The following BEAN1 variants were observed in gnomAD, a reference collection of about 807,000 sequenced individuals.
BEAN1 encodes brain expressed associated with NEDD4 1.
In BEAN1, 17 loss-of-function variants were observed where a neutral mutation model predicts 17.7. The ratio of observed to expected loss-of-function variants is 0.96; its 90% confidence interval spans 0.66 to 1.44. The LOEUF is 1.44. BEAN1 is among the 40% of genes most tolerant of loss of function. BEAN1 has a pLI of 0.00. For missense variants in BEAN1, 359 were observed against 374.1 expected (o/e 0.96, Z 0.33); for synonymous variants, 142 against 151.8 (o/e 0.94, Z 0.47).
At chr16:66,446,919 G>A (rs923795921) in intron 2 of BEAN1, among the ~76,000 whole-genome samples, 1 of 152,150 alleles carries the variant, frequency 6.6e-6, no homozygotes, top group Non-Finnish European at 1.5e-5. Flanking sequence ...GGAAAGCCTG[G>A]TTGTCCTCTG....
At chr16:66,437,558 TG>T in intron 1 of BEAN1, 36 bp from the exon 2 acceptor site, 1 of 1,246,118 alleles carries the variant, frequency 8.0e-7, no homozygotes, top group Admixed American at 2.2e-5. Context: ...GGGTGCGCCA[TG>T]GGCCCCCCAA....
chr16:66,450,046 C>CT (rs1197969491), intron 2 of BEAN1, among the ~76,000 whole-genome samples: 1 of 152,180 alleles, frequency 6.6e-6, no homozygotes, highest in Non-Finnish European at 1.5e-5. Flanking sequence ...AAACACTGAA[C>CT]TAAATAGTGT....
intron 2 of BEAN1, among the ~76,000 whole-genome samples, chr16:66,444,512 G>A (rs1962372909): frequency 6.6e-6 from 1 of 152,146 alleles, no homozygotes; most frequent in South Asian, 2.1e-4. Flanking sequence ...AGAGAGAGTG[G>A]GTGGCAAAGA....
intron 2 of BEAN1, among the ~76,000 whole-genome samples, chr16:66,453,164 G>A (rs1328469162): frequency 6.6e-6 from 1 of 151,856 alleles, no homozygotes; most frequent in African/African-American, 2.4e-5. Flanking sequence ...TTTGGGTTTT[G>A]TTTACTCTTT....
At chr16:66,456,776 T>A (rs1962883625) in intron 2 of BEAN1, among the ~76,000 whole-genome samples, 1 of 152,234 alleles carries the variant, frequency 6.6e-6, no homozygotes, top group South Asian at 2.1e-4. Context: ...AAAACCTTAG[T>A]GAATGATGAC....
At chr16:66,437,152 C>T (rs1003512136) in intron 1 of BEAN1, among the ~76,000 whole-genome samples, 1 of 152,106 alleles carries the variant, frequency 6.6e-6, no homozygotes, top group African/African-American at 2.4e-5. Context: ...TGTCAATGAA[C>T]ACCCTTCAAA....
intron 2 of BEAN1, among the ~76,000 whole-genome samples, chr16:66,439,835 T>C (rs1040543670): frequency 6.6e-6 from 1 of 152,118 alleles, no homozygotes; most frequent in Admixed American, 6.5e-5. Flanking sequence ...GACCCAGACA[T>C]ATCTCTGAGA....
At chr16:66,484,115 C>T (rs1206908052), downstream of BEAN1, 4 of 182,766 alleles carry the variant, frequency 2.2e-5, no homozygotes, top group South Asian at 1.1e-4. This position sits in a 1 kb window ranked among gnomAD's most constrained non-coding sequence, Gnocchi z 4.2. Flanking sequence ...GGCTCACCCC[C>T]GCCCCGCCAG....
At chr16:66,440,674 T>C (rs1962222666) in intron 2 of BEAN1, among the ~76,000 whole-genome samples, 1 of 152,198 alleles carries the variant, frequency 6.6e-6, no homozygotes, top group Admixed American at 6.5e-5. Context: ...CTCACCGCTT[T>C]CAGCGGCAGC....
Position 66,469,782 on chromosome 16 carries a change from G to A in BEAN1, c.206G>A (p.Arg69Gln), listed in dbSNP as rs778201206. ...IRRDRQARLQ[R>Q]HRHRHHRHHH... is the part of the protein sequence containing the mutation. ...AGGGACAGGCAGGCCCGGCTTCAGCGGCACCGCCACCGCCACCACCGCCAC... is the reference window on the plus strand; with the variant it reads ...AGGGACAGGCAGGCCCGGCTTCAGCAGCACCGCCACCGCCACCACCGCCAC... The change falls in exon 3 of 5, where the codon CGG (arginine) becomes CAG (glutamine). Residue 69 changes from arginine (R) to glutamine (Q), a missense_variant. Arg to Gln is a conservative substitution (Grantham distance 43). Transcript: ENST00000536005. 65 of 1,535,808 alleles carry A rather than the reference G, an allele frequency of 4.2e-5. No homozygotes were observed. The highest frequency in any genetic ancestry group is 1.8e-4 in the Admixed American group (9 of 50,980).
In BEAN1 at chr16:66,471,922, G is replaced by A. The variant is rs1389806895; in HGVS notation, c.289+2057G>A. Among the ~76,000 whole-genome samples, 1 of 152,166 alleles carries A rather than the reference G, an allele frequency of 6.6e-6. No homozygotes were observed. Among genetic ancestry groups the A allele is most frequent in the Non-Finnish European group, 1.5e-5 (1 of 68,028 alleles). ...CCCATCCCCTGCAAGAGAAACCCAG[G>A]TCCCCAAGCCCTGGAGGATGCCGGG... On this transcript the variant is annotated intron_variant, in intron 3 of 4. Coordinates refer to ENST00000536005, the MANE Select transcript of BEAN1 (RefSeq NM_001178020.3). The surrounding 1 kb of genome is among the most constrained non-coding windows in gnomAD (Gnocchi z 4.7).
chr16:66,476,035 C>G (rs933698824), intron 3 of BEAN1, among the ~76,000 whole-genome samples: 14 of 150,640 alleles, frequency 9.3e-5, no homozygotes, highest in Non-Finnish European at 3.0e-5. Flanking sequence ...GCGTGGACCC[C>G]GGAGGCGGAG....
At chr16:66,462,307 T>C (rs1273137970) in intron 2 of BEAN1, among the ~76,000 whole-genome samples, 2 of 152,166 alleles carry the variant, frequency 1.3e-5, no homozygotes, top group Non-Finnish European at 2.9e-5. Context: ...GAATAAAAAT[T>C]AGAGGTTGGC....
intron 2 of BEAN1, among the ~76,000 whole-genome samples, chr16:66,465,172 A>T (rs961220480): frequency 1.3e-5 from 2 of 152,206 alleles, no homozygotes; most frequent in Admixed American, 6.5e-5. Flanking sequence ...CCTAAAGTCT[A>T]TTGATATGGT....
At chr16:66,490,415 A>AAAAT in intron 4 of BEAN1, among the ~76,000 whole-genome samples, 1 of 126,834 alleles carries the variant, frequency 7.9e-6, no homozygotes, top group South Asian at 2.3e-4. Context: ...AAAATAAAAT[A>AAAAT]AAATAAAATA....
intron 4 of BEAN1, among the ~76,000 whole-genome samples, chr16:66,487,891 A>G (rs530746780): frequency 2.0e-5 from 3 of 152,310 alleles, no homozygotes; most frequent in African/African-American, 7.2e-5. Context: ...ACGGGCAGAG[A>G]GAGCAGGTTC....
At chr16:66,485,134 C>A, downstream of BEAN1, 2 of 453,476 alleles carry the variant, frequency 4.4e-6, no homozygotes. Context: ...CTGTTCACAG[C>A]CACCACGAGG....
At chr16:66,452,733 G>A (rs1962720016) in intron 2 of BEAN1, among the ~76,000 whole-genome samples, 1 of 152,118 alleles carries the variant, frequency 6.6e-6, no homozygotes, top group South Asian at 2.1e-4. Flanking sequence ...GTTTAGAGAT[G>A]GTTTGCTTCA....
chr16:66,472,140 G>C (rs2142439601), intron 3 of BEAN1, among the ~76,000 whole-genome samples: 1 of 152,342 alleles, frequency 6.6e-6, no homozygotes, highest in East Asian at 1.9e-4. Flanking sequence ...CCCGCTCAAA[G>C]GCTGCCTCCT....
Sources: allele counts gnomAD v4.1 joint callset (sites outside exome capture counted in the v4.1 genomes callset), GRCh38; gene constraint gnomAD v4.1.1; non-coding constraint Gnocchi (gnomAD v3.1); transcripts MANE v1.5; gene names NCBI Gene and HGNC (gene_info 2026-07-23, HGNC 2026-07-21).